The following FTO variants were observed in gnomAD, a reference collection of about 807,000 sequenced individuals.
FTO encodes the protein FTO alpha-ketoglutarate dependent dioxygenase.
A neutral mutation model predicts 63.9 loss-of-function variants in FTO; 47 were observed. That is an observed-to-expected ratio of 0.74 (90% CI 0.58 to 0.94). The LOEUF (loss-of-function observed/expected upper bound fraction) is 0.94, where lower values mean the gene tolerates loss of function less well. FTO is among the 40% of genes least tolerant of loss of function. The pLI, the probability that FTO is intolerant of heterozygous loss-of-function variation, is 0.00. For missense variants in FTO, 562 were observed against 618.1 expected, an observed-to-expected ratio of 0.91 and a Z score of 0.96; for synonymous variants, 207 against 224.4, an observed-to-expected ratio of 0.92 and a Z score of 0.69.
intron 8 of FTO, among the ~76,000 whole-genome samples, chr16:54,014,950 G>A (rs1363356860): frequency 3.4e-5 from 5 of 145,130 alleles, no homozygotes; most frequent in Middle Eastern, 3.8e-3. Context: ...CCAACTCCTA[G>A]CCCCAAGCAA....
intron 8 of FTO, among the ~76,000 whole-genome samples, chr16:54,056,289 G>C (rs1275186422): frequency 6.6e-6 from 1 of 152,152 alleles, no homozygotes; most frequent in South Asian, 2.1e-4. Context: ...TCCTGTAACT[G>C]TAAACTCTGT....
intron 8 of FTO, among the ~76,000 whole-genome samples, chr16:54,081,789 T>C (rs2086150720): frequency 6.6e-6 from 1 of 152,176 alleles, no homozygotes; most frequent in Admixed American, 6.5e-5. Context: ...TAAATTTATA[T>C]ACAGTGGAAG....
In FTO at chr16:53,918,838, C is replaced by T. The variant is rs147986470; in HGVS notation, c.1240-15147C>T. On this transcript the variant is annotated intron_variant, in intron 7 of 8. Transcript: ENST00000471389. ...TCCATTCCATATGTTCTGTATAAAC[C>T]GTGCTGGGCCTGGAGTTAGAACACC... Among the ~76,000 whole-genome samples the T allele has an allele frequency of 3.5e-3, 530 of 152,230 alleles. 6 individuals are homozygous for T. Among genetic ancestry groups the T allele is most frequent in the African/African-American group, 0.012 (480 of 41,524 alleles).
At position 53,868,087 on chromosome 16, in the gene FTO, T is replaced by A. The variant is rs1396947468; in HGVS notation, c.896-5699T>A. The stretch of plus-strand genomic sequence containing the variant: ...AGTTTAATCTGTGTGTTTCTTTGTA[T>A]TTGAATTGAGTTTCTTGTAGATAGC... On this transcript the variant is annotated intron_variant, in intron 4 of 8. Transcript: ENST00000471389. Among the ~76,000 whole-genome samples, 62 of 152,172 alleles carry A rather than the reference T, an allele frequency of 4.1e-4. 1 individual carries two copies. Among genetic ancestry groups the A allele is most frequent in the Non-Finnish European group, 4.4e-5 (3 of 68,008 alleles).
chr16:53,939,085 C>A (rs982504667), intron 8 of FTO, among the ~76,000 whole-genome samples: 2 of 152,120 alleles, frequency 1.3e-5, no homozygotes, highest in African/African-American at 4.8e-5. Context: ...GAGCGAGACT[C>A]TGTCTCAAAA....
chr16:53,760,127 T>C lies in FTO; in HGVS notation c.46-50013T>C, dbSNP rs374804862. ...TTGTATTCCTGAGCCTTTCTGTAGA[T>C]GGTGGCATGGGAGCTCACTTCTTAT... On this transcript the variant is annotated intron_variant, in intron 1 of 8. Coordinates refer to ENST00000471389, the MANE Select transcript of FTO (RefSeq NM_001080432.3). 1.4e-3 allele frequency among the ~76,000 whole-genome samples: 207 copies of C among 152,246 alleles called. 5 individuals are homozygous for C. The South Asian group carries it at 0.041, about 30-fold the overall frequency.
chr16:53,888,874 C>T lies in FTO; in HGVS notation c.1162C>T (p.Arg388Ter), dbSNP rs746048206. Residue 388 changes from arginine (R) to a stop codon, truncating the protein, a stop_gained, in exon 7 of 9, where the codon CGA becomes TGA. Transcript: ENST00000471389. LOFTEE classifies it high-confidence loss of function. Reference protein sequence around the residue: ...WLRQFWFQGNRYRKCTDWWCQ... With the variant: ...WLRQFWFQGN Reference sequence around the variant, plus strand: ...GAGGCAGTTTTGGTTTCAAGGCAATCGATACAGAAAGTGCACTGACTGGTG... The same window carrying T: ...GAGGCAGTTTTGGTTTCAAGGCAATTGATACAGAAAGTGCACTGACTGGTG... 6.2e-6 allele frequency: 10 copies of T among 1,613,872 alleles called. No individual in the cohort carries two copies. The highest frequency in any genetic ancestry group is 2.2e-5 in the South Asian group (2 of 91,062).
rs2076432871 is a variant in FTO at position 53,738,107 on chromosome 16, C to G, written c.45+33878C>G. Among the ~76,000 whole-genome samples, 3 of 147,902 alleles carry G rather than the reference C, an allele frequency of 2.0e-5. No individual in the cohort carries two copies. In the South Asian group the frequency reaches 6.4e-4, roughly 31 times the overall value. Reference sequence around the variant, plus strand: ...ATGGCGTGATCTCAGCTCACAGCAACCTCCGCCTCCTGGGTTCAAGCGATT... The same window carrying G: ...ATGGCGTGATCTCAGCTCACAGCAAGCTCCGCCTCCTGGGTTCAAGCGATT... On this transcript the variant is annotated intron_variant, in intron 1 of 8. Coordinates refer to ENST00000471389, the MANE Select transcript of FTO (RefSeq NM_001080432.3).
chr16:54,048,401 G>A (rs974630820), intron 8 of FTO, among the ~76,000 whole-genome samples: 1 of 152,016 alleles, frequency 6.6e-6, no homozygotes, highest in Non-Finnish European at 1.5e-5. Context: ...CATGTGCTCA[G>A]TGAAGGCAAA....
intron 4 of FTO, among the ~76,000 whole-genome samples, chr16:53,870,400 G>C (rs2080461788): frequency 6.6e-6 from 1 of 152,092 alleles, no homozygotes. Context: ...TCCCGTCTAC[G>C]TTGAATCTCC....
At chr16:53,891,355 T>TA (rs1213156081) in intron 7 of FTO, among the ~76,000 whole-genome samples, 1 of 151,588 alleles carries the variant, frequency 6.6e-6, no homozygotes, top group Non-Finnish European at 1.5e-5. Context: ...GCTTTTTTTT[T>TA]TTTATTTTTT....
chr16:54,057,982 C>G (rs1351039894), intron 8 of FTO, among the ~76,000 whole-genome samples: 2 of 152,144 alleles, frequency 1.3e-5, no homozygotes, highest in African/African-American at 4.8e-5. Flanking sequence ...ATGGCTGATT[C>G]TTTAGAAGAC....
chr16:53,971,230 C>T (rs1036027242), intron 8 of FTO, among the ~76,000 whole-genome samples: 1 of 152,142 alleles, frequency 6.6e-6, no homozygotes, highest in Admixed American at 6.5e-5. Flanking sequence ...AGTAATGCTG[C>T]AATTACATAT....
In FTO at chr16:53,879,937, A is replaced by G; in HGVS notation, c.1069A>G (p.Lys357Glu). 2.5e-6 allele frequency: 4 copies of G among 1,613,974 alleles called. No homozygotes were observed. Among genetic ancestry groups the G allele is most frequent in the Non-Finnish European group, 3.4e-6 (4 of 1,179,958 alleles). ...TGTGGACAATGATGATGTCTCTTTGAAATCCTTTGAGCCTGCAGTTTTGAA... is the reference window on the plus strand; with the variant it reads ...TGTGGACAATGATGATGTCTCTTTGGAATCCTTTGAGCCTGCAGTTTTGAA... ...DDVDNDDVSLKSFEPAVLKQG... is the reference protein window; with the variant it reads ...DDVDNDDVSLESFEPAVLKQG... Residue 357 changes from lysine to glutamate, a missense_variant, in exon 6 of 9, where the codon AAA becomes GAA. Lys to Glu is a moderately conservative substitution (Grantham distance 56, BLOSUM62 1). Coordinates refer to ENST00000471389, the MANE Select transcript of FTO (RefSeq NM_001080432.3).
chr16:53,939,730 G>A (rs538790123), intron 8 of FTO, among the ~76,000 whole-genome samples: 1 of 152,228 alleles, frequency 6.6e-6, no homozygotes, highest in South Asian at 2.1e-4. Flanking sequence ...GACCTTTTAT[G>A]TCTGGCTTCT....
intron 8 of FTO, among the ~76,000 whole-genome samples, chr16:54,010,741 G>A (rs1477838341): frequency 6.6e-6 from 1 of 152,146 alleles, no homozygotes. Context: ...AGATAACCCT[G>A]TTCAACAGTG....
At chr16:53,810,369 A>C (rs542708952) in intron 2 of FTO, 152 bp downstream of exon 2, 4 of 651,676 alleles carry the variant, frequency 6.1e-6, no homozygotes, top group Non-Finnish European at 1.1e-5. Flanking sequence ...GAGCATGTAC[A>C]TTTCTTCAGA....
chr16:53,963,869 C>T lies in FTO; in HGVS notation c.1364+29760C>T, dbSNP rs996107972. On this transcript the variant is annotated intron_variant, in intron 8 of 8. Coordinates refer to ENST00000471389, the MANE Select transcript of FTO (RefSeq NM_001080432.3). ...CCAGGTTCAAGTGATTCTCCTGCCT[C>T]AGCCTCCCAAGTAGCTGGGATTACA... Among the ~76,000 whole-genome samples, 5 of 152,294 alleles carry T rather than the reference C, an allele frequency of 3.3e-5. No individual in the cohort carries two copies. In the South Asian group the frequency reaches 1.0e-3, roughly 32 times the overall value.
At chr16:54,100,592 A>G (rs1344515365) in intron 8 of FTO, among the ~76,000 whole-genome samples, 1 of 152,132 alleles carries the variant, frequency 6.6e-6, no homozygotes, top group Non-Finnish European at 1.5e-5. Flanking sequence ...TGAGCTTACT[A>G]TCTGCCTGCC....
Sources: allele counts gnomAD v4.1 joint callset (sites outside exome capture counted in the v4.1 genomes callset), GRCh38; gene constraint gnomAD v4.1.1; transcripts MANE v1.5; gene names NCBI Gene and HGNC (gene_info 2026-07-23, HGNC 2026-07-21).